Variants in TTC34 observed in about 807,000 individuals in gnomAD.
TTC34 encodes the protein tetratricopeptide repeat domain 34.
In TTC34, 44 loss-of-function variants were observed where a neutral mutation model predicts 40.7. That is an observed-to-expected ratio of 1.08 (90% CI 0.85 to 1.39). The LOEUF is 1.39. Ranked by LOEUF, TTC34 falls within the 40% of genes most tolerant of loss-of-function variation. TTC34 has a pLI of 0.00. For synonymous variants in TTC34, 422 were observed against 398.6 expected, an observed-to-expected ratio of 1.06 and a Z score of -0.70; for missense variants, 884 against 838.0, an observed-to-expected ratio of 1.05 and a Z score of -0.68.
intron 6 of TTC34, among the ~76,000 whole-genome samples, chr1:2,755,634 C>T (rs1170031971): frequency 8.0e-6 from 1 of 124,592 alleles, no homozygotes; most frequent in African/African-American, 3.6e-5. Context: ...CCCAGGTGCG[C>T]ATCTGATGGT....
chr1:2,791,597 T>C (rs925205956), intron 2 of TTC34, among the ~76,000 whole-genome samples: 3 of 152,178 alleles, frequency 2.0e-5, no homozygotes, highest in South Asian at 4.1e-4. Context: ...AGACTAGCCA[T>C]GCAAGCAGCC....
intron 6 of TTC34, among the ~76,000 whole-genome samples, chr1:2,678,252 A>C (rs1482738287): frequency 3.8e-3 from 4 of 1,052 alleles, no homozygotes; most frequent in Non-Finnish European, 4.0e-3. Flanking sequence ...AGCACCCACA[A>C]CCACAGGTGA....
Position 2,783,947 on chromosome 1 carries a change from T to A in TTC34, c.2060-172A>T, listed in dbSNP as rs563519471. 8.6e-5 allele frequency among the ~76,000 whole-genome samples: 13 copies of A among 151,988 alleles called. 1 individual carries two copies. In the East Asian group the frequency reaches 2.5e-3, roughly 30 times the overall value. ...CAGAGACAGGGTGGACTTGGGGGCATTGGCTGCAGGGCAAGAGGAGCTCAG... is the reference window on the plus strand; with the variant it reads ...CAGAGACAGGGTGGACTTGGGGGCAATGGCTGCAGGGCAAGAGGAGCTCAG... On this transcript the variant is annotated intron_variant, in intron 5 of 8. Coordinates refer to ENST00000401095, the Ensembl canonical transcript of TTC34.
intron 6 of TTC34, among the ~76,000 whole-genome samples, chr1:2,778,412 C>T (rs1643386672): frequency 6.6e-6 from 1 of 152,192 alleles, no homozygotes; most frequent in Admixed American, 6.5e-5. Context: ...CTTGTGACAG[C>T]CTCTTGTCAT....
intron 6 of TTC34, among the ~76,000 whole-genome samples, chr1:2,676,972 C>A (rs1226389637): frequency 7.4e-5 from 10 of 135,058 alleles, no homozygotes; most frequent in Non-Finnish European, 9.6e-5. Flanking sequence ...CCTGCACCCC[C>A]AGGTGAGCAT....
At chr1:2,758,504 A>C (rs1641578981) in intron 6 of TTC34, among the ~76,000 whole-genome samples, 1 of 81,682 alleles carries the variant, frequency 1.2e-5, no homozygotes. Context: ...ATGGCCTGGA[A>C]CCGCACCCAC....
At chr1:2,772,936 A>G (rs1452014680) in intron 6 of TTC34, among the ~76,000 whole-genome samples, 1 of 114,768 alleles carries the variant, frequency 8.7e-6, no homozygotes, top group African/African-American at 3.3e-5. Context: ...CAGCACCCAT[A>G]CCCCCAGGCG....
At chr1:2,644,408 C>T in exon 8 of TTC34, 2 of 1,536,044 alleles carry the variant, frequency 1.3e-6, no homozygotes, top group East Asian at 2.4e-5. Context: ...CCAGCCGGGC[C>T]CGGGCTGCCT....
At chr1:2,699,421 G>A (rs1398179586) in intron 6 of TTC34, among the ~76,000 whole-genome samples, 1 of 94,764 alleles carries the variant, frequency 1.1e-5, no homozygotes. Flanking sequence ...ACCCCAAGGT[G>A]AGTATCTGAC....
chr1:2,768,583 C>A (rs939761268), intron 6 of TTC34, among the ~76,000 whole-genome samples: 13 of 151,940 alleles, frequency 8.6e-5, no homozygotes, highest in Non-Finnish European at 1.5e-4. Context: ...CTCCACACAG[C>A]CAGGTGAGCA....
At chr1:2,688,215 G>C (rs559999369) in intron 6 of TTC34, among the ~76,000 whole-genome samples, 8 of 101,712 alleles carry the variant, frequency 7.9e-5, no homozygotes, top group African/African-American at 3.9e-4. Context: ...ACACCCCCAG[G>C]GGAGCATCCG....
At chr1:2,644,132 C>T (rs1199318317) in intron 8 of TTC34, 132 bp downstream of exon 8, 53 of 990,492 alleles carry the variant, frequency 5.4e-5, no homozygotes, top group Non-Finnish European at 7.1e-5. Context: ...CCTCCCACCC[C>T]ACCCCAAACC....
At chr1:2,647,232 C>T (rs1639036632) in intron 6 of TTC34, among the ~76,000 whole-genome samples, 1 of 152,160 alleles carries the variant, frequency 6.6e-6, no homozygotes, top group Non-Finnish European at 1.5e-5. Flanking sequence ...CCCATTCATT[C>T]TCCGTATTCT....
At chr1:2,772,975 C>A (rs1642507126) in intron 6 of TTC34, among the ~76,000 whole-genome samples, 1 of 147,156 alleles carries the variant, frequency 6.8e-6, no homozygotes, top group Non-Finnish European at 1.5e-5. Flanking sequence ...GCAGCATGCA[C>A]ACCCCCAGGC....
chr1:2,748,801 C>A (rs1164315747), intron 6 of TTC34, among the ~76,000 whole-genome samples: 10 of 136,662 alleles, frequency 7.3e-5, no homozygotes, highest in Non-Finnish European at 1.3e-4. Context: ...GAACCCACAC[C>A]CACAGGCGAG....
intron 6 of TTC34, among the ~76,000 whole-genome samples, chr1:2,778,170 G>C (rs146549584): frequency 0.014 from 2,096 of 152,318 alleles, 23 homozygotes; most frequent in Admixed American, 0.024. Context: ...GGAGGCTGTC[G>C]TCCTCCTGGC....
At chr1:2,657,714 T>A (rs1639401557) in intron 6 of TTC34, among the ~76,000 whole-genome samples, 1 of 56,186 alleles carries the variant, frequency 1.8e-5, no homozygotes, top group African/African-American at 5.6e-5. Flanking sequence ...CAGGCGAGCA[T>A]CTGACAGCCT....
intron 6 of TTC34, among the ~76,000 whole-genome samples, chr1:2,653,986 G>A (rs796440993): frequency 6.0e-3 from 725 of 120,944 alleles, no homozygotes; most frequent in Admixed American, 9.3e-3. Context: ...GTGAGCATCG[G>A]AGAGTCTGGA....
intron 6 of TTC34, among the ~76,000 whole-genome samples, chr1:2,779,679 C>T (rs961724709): frequency 3.9e-5 from 6 of 152,178 alleles, no homozygotes; most frequent in Admixed American, 3.9e-4. Flanking sequence ...TTAGCTGCTG[C>T]ACCATTTTAC....
Sources: gnomAD v4.1 joint callset for allele counts (sites outside exome capture counted in the v4.1 genomes callset) on GRCh38, gnomAD v4.1.1 for gene constraint, MANE v1.5 for transcripts, NCBI Gene and HGNC (gene_info 2026-07-23, HGNC 2026-07-21) for gene names.